The following RABGAP1L variants were observed in gnomAD, a reference collection of about 807,000 sequenced individuals.
RABGAP1L encodes rab GTPase-activating protein 1-like.
RABGAP1L carries 63 observed loss-of-function variants against 137.7 expected under a neutral mutation model. The ratio of observed to expected loss-of-function variants is 0.46; its 90% CI spans 0.37 to 0.56. RABGAP1L has a LOEUF of 0.56. Among genes scored for constraint, RABGAP1L ranks in the 20% least tolerant of loss-of-function variants. RABGAP1L has a pLI of 0.00. For missense variants in RABGAP1L, 1,095 were observed against 1,244.0 expected (o/e 0.88, Z 1.80); for synonymous variants, 431 against 433.7 (o/e 0.99, Z 0.08).
intron 13 of RABGAP1L, among the ~76,000 whole-genome samples, chr1:174,601,314 C>T (rs1314849509): frequency 6.6e-6 from 1 of 152,200 alleles, no homozygotes; most frequent in East Asian, 1.9e-4. Flanking sequence ...GACATTTTCC[C>T]CATGGTCTTG....
intron 16 of RABGAP1L, among the ~76,000 whole-genome samples, chr1:174,701,620 A>G (rs1261260833): frequency 1.3e-5 from 2 of 151,876 alleles, no homozygotes; most frequent in Admixed American, 1.3e-4. Context: ...GAGGGTGCCT[A>G]TAATCTCAGC....
At chr1:174,715,102 C>T (rs1018659583) in intron 17 of RABGAP1L, among the ~76,000 whole-genome samples, 2 of 152,016 alleles carry the variant, frequency 1.3e-5, no homozygotes, top group Non-Finnish European at 2.9e-5. Context: ...TATACATTTG[C>T]AGGTGAGGTT....
intron 1 of RABGAP1L, among the ~76,000 whole-genome samples, chr1:174,192,029 T>A (rs540979500): frequency 2.0e-5 from 3 of 152,210 alleles, no homozygotes; most frequent in African/African-American, 7.2e-5. Flanking sequence ...TTTTTCAAAG[T>A]GGTTAGAGTA....
At chr1:174,506,640 CGT>C (rs942551392) in intron 13 of RABGAP1L, among the ~76,000 whole-genome samples, 30 of 152,042 alleles carry the variant, frequency 2.0e-4, no homozygotes, top group African/African-American at 6.8e-4. Context: ...TTAGGTAATG[CGT>C]GTGTTAAATA....
intron 19 of RABGAP1L, among the ~76,000 whole-genome samples, chr1:174,939,372 A>G (rs1011073410): frequency 2.6e-5 from 4 of 152,126 alleles, no homozygotes; most frequent in East Asian, 1.9e-4. Flanking sequence ...CCTGGCCAAC[A>G]TGGCGAAACC....
At chr1:174,649,744 A>C (rs544874594) in intron 14 of RABGAP1L, among the ~76,000 whole-genome samples, 1 of 152,138 alleles carries the variant, frequency 6.6e-6, no homozygotes, top group Non-Finnish European at 1.5e-5. Context: ...GGCTGAGACA[A>C]TGGGTTTTTC....
chr1:174,183,866 G>A (rs1666583259), intron 1 of RABGAP1L, among the ~76,000 whole-genome samples: 1 of 127,578 alleles, frequency 7.8e-6, no homozygotes. Context: ...TTTCAGATTG[G>A]CTTTTTTTTT....
chr1:174,857,264 C>T (rs1042586209), intron 19 of RABGAP1L, among the ~76,000 whole-genome samples: 1 of 152,126 alleles, frequency 6.6e-6, no homozygotes, highest in Non-Finnish European at 1.5e-5. Context: ...GCCTGAGAGC[C>T]GCCATTTATG....
chr1:174,727,950 C>G (rs1158278029), intron 17 of RABGAP1L, among the ~76,000 whole-genome samples: 1 of 152,112 alleles, frequency 6.6e-6, no homozygotes, highest in East Asian at 1.9e-4. Flanking sequence ...GAGTCTGTCT[C>G]CAGAAGACAT....
At chr1:174,543,490 C>T (rs1390124903) in intron 13 of RABGAP1L, among the ~76,000 whole-genome samples, 2 of 152,100 alleles carry the variant, frequency 1.3e-5, no homozygotes, top group East Asian at 3.8e-4. Flanking sequence ...ATGTGTTTCC[C>T]TGCCTGTGAG....
chr1:174,579,840 C>T (rs1480358469), intron 13 of RABGAP1L, among the ~76,000 whole-genome samples: 1 of 152,218 alleles, frequency 6.6e-6, no homozygotes, highest in African/African-American at 2.4e-5. Context: ...CAGCTCACTG[C>T]AATCTCTGCC....
chr1:174,798,618 AATCT>A (rs1688459185), intron 18 of RABGAP1L, among the ~76,000 whole-genome samples: 1 of 89,102 alleles, frequency 1.1e-5, no homozygotes, highest in Non-Finnish European at 3.1e-5. Context: ...TTTCATAATT[AATCT>A]ATTTATTTAG....
intron 14 of RABGAP1L, among the ~76,000 whole-genome samples, chr1:174,674,386 T>C (rs1205461992): frequency 2.0e-5 from 3 of 150,546 alleles, no homozygotes; most frequent in South Asian, 2.1e-4. Flanking sequence ...TGATTTCCAA[T>C]TTCATCCATG....
rs1003424253 is a variant in RABGAP1L at position 174,978,873 on chromosome 1, A to G, written c.2716A>G (p.Ile906Val). ...EYEIKKTTAIIAEYKQICSQL... is the reference protein window; with the variant it reads ...EYEIKKTTAIVAEYKQICSQL... ...TGAAATAAAGAAGACTACAGCTATC[A>G]TTGCTGAGTATAAACAGGTAATGTA... Residue 906 changes from isoleucine (I) to valine (V), a missense_variant, in exon 23 of 26, where the codon ATT (isoleucine) becomes GTT (valine). This residue lies in a region of RABGAP1L where 312 missense variants were observed against 435.6 expected (regional missense o/e 0.72). Transcript: ENST00000681986. 2 of 1,542,878 alleles carry G rather than the reference A, an allele frequency of 1.3e-6. No homozygotes were observed. The highest frequency in any genetic ancestry group is 8.7e-7 in the Non-Finnish European group (1 of 1,144,392).
At chr1:174,551,019 T>TATATAC (rs1553330337) in intron 13 of RABGAP1L, among the ~76,000 whole-genome samples, 7 of 116,028 alleles carry the variant, frequency 6.0e-5, no homozygotes, top group African/African-American at 2.7e-4. Flanking sequence ...TATATATATA[T>TATATAC]ATACATACAC....
At chr1:174,416,541 G>A (rs1650611073) in intron 13 of RABGAP1L, among the ~76,000 whole-genome samples, 1 of 151,986 alleles carries the variant, frequency 6.6e-6, no homozygotes, top group Non-Finnish European at 1.5e-5. Flanking sequence ...AATCTGGAAG[G>A]CTTCTTAACT....
chr1:174,448,161 G>A lies in RABGAP1L; in HGVS notation c.1710+54016G>A, dbSNP rs528337147. On this transcript the variant is annotated intron_variant, in intron 13 of 25. Coordinates refer to ENST00000681986, the MANE Select transcript of RABGAP1L (RefSeq NM_001366446.1). The surrounding 1 kb of genome is among the most constrained non-coding windows in gnomAD (Gnocchi z 4.2). Reference sequence around the variant, plus strand: ...TGGAGGATCCTGAACATGAGCAGTGGCATTGTGAATGTGTCCGAGCGTCAC... The same window carrying A: ...TGGAGGATCCTGAACATGAGCAGTGACATTGTGAATGTGTCCGAGCGTCAC... The A allele has an allele frequency of 9.3e-6, 15 of 1,613,212 alleles. No individual in the cohort carries two copies. The highest frequency in any genetic ancestry group is 8.8e-5 in the South Asian group (8 of 91,032).
chr1:174,327,993 A>ATG (rs1680658883), intron 11 of RABGAP1L, among the ~76,000 whole-genome samples: 3 of 60,516 alleles, frequency 5.0e-5, no homozygotes, highest in African/African-American at 2.3e-4. Context: ...ACACATATAT[A>ATG]TATATATATA....
intron 11 of RABGAP1L, among the ~76,000 whole-genome samples, chr1:174,359,894 T>C (rs12071243): frequency 0.12 from 18,607 of 152,176 alleles, 3,838 homozygotes; most frequent in African/African-American, 0.42. Flanking sequence ...GAGTGGAATA[T>C]AGATAAAAAA....
Sources: allele counts gnomAD v4.1 joint callset (sites outside exome capture counted in the v4.1 genomes callset), GRCh38; gene constraint gnomAD v4.1.1; regional missense constraint gnomAD v4.1.1; non-coding constraint Gnocchi (gnomAD v3.1); transcripts MANE v1.5; gene names NCBI Gene and HGNC (gene_info 2026-07-23, HGNC 2026-07-21).